The following SNX29 variants were observed in gnomAD, a reference collection of about 807,000 sequenced individuals.
The protein encoded by SNX29 is sorting nexin 29.
SNX29 carries 78 observed loss-of-function variants against 102.1 expected under a neutral mutation model. The ratio of observed to expected loss-of-function variants is 0.76; its 90% CI spans 0.64 to 0.92. SNX29 has a LOEUF of 0.92. Among genes scored for constraint, SNX29 ranks in the 40% least tolerant of loss-of-function variants. SNX29 has a pLI of 0.00. For missense variants in SNX29, 1,280 were observed against 1,061.7 expected (o/e 1.21, Z -2.86); for synonymous variants, 580 against 414.5 (o/e 1.40, Z -4.85).
At chr16:12,428,645 G>C (rs1391477394) in intron 18 of SNX29, among the ~76,000 whole-genome samples, 1 of 151,624 alleles carries the variant, frequency 6.6e-6, no homozygotes, top group Non-Finnish European at 1.5e-5. Context: ...CCAATACATA[G>C]ATATTTGATT....
intron 18 of SNX29, among the ~76,000 whole-genome samples, chr16:12,410,710 A>G (rs917100160): frequency 6.6e-6 from 1 of 152,232 alleles, no homozygotes; most frequent in Non-Finnish European, 1.5e-5. Flanking sequence ...CTGGGATTAC[A>G]GGTGCAAGCC....
At chr16:12,263,980 G>A (rs2078853236) in intron 14 of SNX29, among the ~76,000 whole-genome samples, 1 of 152,174 alleles carries the variant, frequency 6.6e-6, no homozygotes, top group African/African-American at 2.4e-5. Context: ...CACCACCATT[G>A]CCATCCATGG....
At chr16:12,402,783 G>C (rs1054941138) in intron 17 of SNX29, among the ~76,000 whole-genome samples, 1 of 152,180 alleles carries the variant, frequency 6.6e-6, no homozygotes, top group Non-Finnish European at 1.5e-5. Flanking sequence ...TTAAACCTTG[G>C]TGTATTGGAC....
At chr16:12,112,690 G>A (rs573121940) in intron 11 of SNX29, among the ~76,000 whole-genome samples, 7 of 152,254 alleles carry the variant, frequency 4.6e-5, no homozygotes, top group South Asian at 2.1e-4. Flanking sequence ...TGTGAGTTTC[G>A]AGTGAAAGGG....
chr16:12,097,738 T>C (rs1020871597), intron 11 of SNX29, among the ~76,000 whole-genome samples: 13 of 152,144 alleles, frequency 8.5e-5, no homozygotes, highest in Non-Finnish European at 1.5e-4. Context: ...GGCAGCAGCT[T>C]ATGTAACCGT....
At chr16:12,329,122 C>T (rs2081216084) in intron 15 of SNX29, among the ~76,000 whole-genome samples, 1 of 151,370 alleles carries the variant, frequency 6.6e-6, no homozygotes, top group South Asian at 2.1e-4. Context: ...AAATAGAAAA[C>T]AAAATTGAGC....
intron 11 of SNX29, among the ~76,000 whole-genome samples, chr16:12,105,629 TA>T (rs1476935454): frequency 6.6e-6 from 1 of 152,174 alleles, no homozygotes; most frequent in African/African-American, 2.4e-5. Context: ...CTTTTCTAAG[TA>T]GCACTGGTGA....
chr16:12,489,260 A>G (rs753803015), intron 19 of SNX29, among the ~76,000 whole-genome samples: 1 of 151,764 alleles, frequency 6.6e-6, no homozygotes, highest in Non-Finnish European at 1.5e-5. Flanking sequence ...GTGTATTGCA[A>G]TCTTGGTTCA....
intron 20 of SNX29, among the ~76,000 whole-genome samples, chr16:12,537,744 C>T (rs765382235): frequency 2.6e-5 from 4 of 152,028 alleles, no homozygotes; most frequent in African/African-American, 7.2e-5. Context: ...GGCACAATGA[C>T]CTCTATCCTA....
chr16:12,414,509 A>G (rs1422675725), intron 18 of SNX29, among the ~76,000 whole-genome samples: 2 of 152,198 alleles, frequency 1.3e-5, no homozygotes, highest in East Asian at 3.9e-4. Flanking sequence ...TACAGAAACA[A>G]AAACATGAAG....
At chr16:12,064,968 C>T (rs17216341) in intron 9 of SNX29, among the ~76,000 whole-genome samples, 39,498 of 152,178 alleles carry the variant, frequency 0.26, 6,491 homozygotes, top group Non-Finnish European at 0.37. Flanking sequence ...TCTTTGAACA[C>T]GCTGGTGCCT....
chr16:12,110,414 G>T (rs1472972941), intron 11 of SNX29, among the ~76,000 whole-genome samples: 12 of 152,132 alleles, frequency 7.9e-5, no homozygotes, highest in African/African-American at 2.7e-4. Flanking sequence ...CTTTTCTCCA[G>T]GTGAGTGGGT....
At chr16:12,013,542 T>TATATATATAGAGAGAGAGAGAGAGAGAG in intron 3 of SNX29, among the ~76,000 whole-genome samples, 1 of 109,076 alleles carries the variant, frequency 9.2e-6, no homozygotes, top group African/African-American at 3.5e-5. Flanking sequence ...TATATATATA[T>TATATATATAGAGAGAGAGAGAGAGAGAG]CGAGAGAGGA....
rs896719812 is a variant in SNX29 at position 12,319,993 on chromosome 16, G to C, written c.1783-36170G>C. ...GGGTTCCAGGAAGCCTTGCCTGACA[G>C]CTCCTGGCTGGACGTGGCTGCATCT... On this transcript the variant is annotated intron_variant, in intron 15 of 20. Transcript: ENST00000566228. 3.3e-4 allele frequency among the ~76,000 whole-genome samples: 50 copies of C among 152,196 alleles called. 2 individuals carry two copies. Among genetic ancestry groups the C allele is most frequent in the Non-Finnish European group, 1.0e-4 (7 of 68,042 alleles).
intron 14 of SNX29, among the ~76,000 whole-genome samples, chr16:12,208,608 C>G (rs762131253): frequency 6.6e-6 from 1 of 152,032 alleles, no homozygotes; most frequent in South Asian, 2.1e-4. Flanking sequence ...TGGGCAAGAG[C>G]CTTCAGGGAG....
chr16:12,357,042 T>G (rs1439304704), intron 16 of SNX29, among the ~76,000 whole-genome samples: 1 of 152,254 alleles, frequency 6.6e-6, no homozygotes, highest in African/African-American at 2.4e-5. Flanking sequence ...TGTAAACATT[T>G]AGGATGTCTC....
chr16:12,089,916 T>C, intron 11 of SNX29: 1 of 292,426 alleles, frequency 3.4e-6, no homozygotes. Context: ...GGGTAGGGAG[T>C]CCTGAGTTGA....
chr16:12,461,978 A>AAAAAATATATATATATAT (rs1555544501), intron 18 of SNX29, among the ~76,000 whole-genome samples: 1 of 27,354 alleles, frequency 3.7e-5, no homozygotes, highest in Admixed American at 7.2e-4. Flanking sequence ...AAAAAAAAAA[A>AAAAAATATATATATATAT]ATATATATAT....
At chr16:12,046,815 C>T (rs2050108164) in intron 6 of SNX29, among the ~76,000 whole-genome samples, 2 of 152,136 alleles carry the variant, frequency 1.3e-5, no homozygotes, top group South Asian at 4.1e-4. Flanking sequence ...GATAGAGTTT[C>T]ACTATGTTGG....
Sources: allele counts gnomAD v4.1 joint callset (sites outside exome capture counted in the v4.1 genomes callset), GRCh38; gene constraint gnomAD v4.1.1; transcripts MANE v1.5; gene names NCBI Gene and HGNC (gene_info 2026-07-23, HGNC 2026-07-21).